DMD: variants seen among roughly 807,000 people sequenced by gnomAD.
The protein encoded by DMD is dystrophin, also known as mutant dystrophin.
A neutral mutation model predicts 330.1 loss-of-function variants in DMD; 63 were observed. The ratio of observed to expected loss-of-function variants is 0.19; its 90% CI spans 0.16 to 0.24. The LOEUF (loss-of-function observed/expected upper bound fraction) is 0.24, where lower values mean the gene tolerates loss of function less well. Among genes scored for constraint, DMD ranks in the 10% least tolerant of loss-of-function variants. The pLI is 1.00. For synonymous variants in DMD, 1,223 were observed against 959.8 expected (o/e 1.27, Z -5.07); for missense variants, 3,344 against 2,684.1 (o/e 1.25, Z -5.43).
chrX:32,697,001 A>G (rs73456967), intron 9 of DMD, among the ~76,000 whole-genome samples: 4,569 of 111,733 alleles, frequency 0.041, 253 homozygotes, highest in African/African-American at 0.14. Flanking sequence ...AAAAATGTAC[A>G]CATTTTTTAG....
chrX:32,559,730 T>G (rs2050774119), intron 16 of DMD, among the ~76,000 whole-genome samples: 1 of 111,953 alleles, frequency 8.9e-6, no homozygotes, highest in Non-Finnish European at 1.9e-5. Flanking sequence ...TCTATTTGCA[T>G]TTTGGGTATA....
intron 47 of DMD, among the ~76,000 whole-genome samples, chrX:31,923,264 T>TC (rs2094718769): frequency 9.0e-6 from 1 of 111,147 alleles, no homozygotes; most frequent in African/African-American, 3.3e-5. Flanking sequence ...ACTACTCCCT[T>TC]CCCCCAACCC....
chrX:31,315,269 A>C (rs979149654), intron 62 of DMD, among the ~76,000 whole-genome samples: 12 of 112,442 alleles, frequency 1.1e-4, no homozygotes, highest in African/African-American at 3.6e-4. Flanking sequence ...GTTTTCCTAA[A>C]AACCTGAACA....
At chrX:32,941,594 C>A (rs1222043943) in intron 2 of DMD, among the ~76,000 whole-genome samples, 1 of 110,951 alleles carries the variant, frequency 9.0e-6, no homozygotes. Flanking sequence ...TAAGTGGGAG[C>A]TATATATTGG....
chrX:32,853,769 G>GAAGAAAA (rs1557087979), intron 2 of DMD, among the ~76,000 whole-genome samples: 7 of 56,092 alleles, frequency 1.2e-4, no homozygotes, highest in African/African-American at 5.3e-4. Flanking sequence ...CACAGTGACA[G>GAAGAAAA]AAAAAAAAAA....
intron 17 of DMD, among the ~76,000 whole-genome samples, chrX:32,518,424 ATT>A (rs2046077656): frequency 9.1e-6 from 1 of 109,496 alleles, no homozygotes; most frequent in Admixed American, 9.9e-5. Flanking sequence ...TGTTTCCACT[ATT>A]TGAAAAAGTA....
intron 7 of DMD, among the ~76,000 whole-genome samples, chrX:32,771,058 C>T (rs1224485685): frequency 9.0e-6 from 1 of 111,705 alleles, no homozygotes; most frequent in Non-Finnish European, 1.9e-5. Flanking sequence ...GGCAGGACCT[C>T]TCTGGCACTT....
At chrX:31,651,751 A>C (rs1249557683) in intron 54 of DMD, among the ~76,000 whole-genome samples, 1 of 111,035 alleles carries the variant, frequency 9.0e-6, no homozygotes, top group Non-Finnish European at 1.9e-5. Flanking sequence ...TCTGTACCCA[A>C]AATATAGTAG....
chrX:32,442,250 C>T (rs1219533435), intron 27 of DMD, among the ~76,000 whole-genome samples: 1 of 110,385 alleles, frequency 9.1e-6, no homozygotes, highest in Admixed American at 9.7e-5. Context: ...GAAAAACAGA[C>T]TCAAAATAGA....
At chrX:31,267,131 G>T (rs2051244428) in intron 62 of DMD, among the ~76,000 whole-genome samples, 1 of 110,535 alleles carries the variant, frequency 9.0e-6, no homozygotes, top group Non-Finnish European at 1.9e-5. Context: ...AAGAAAGAAA[G>T]AAAGAGGATG....
chrX:32,762,306 C>T (rs2072428042), intron 7 of DMD, among the ~76,000 whole-genome samples: 1 of 111,024 alleles, frequency 9.0e-6, no homozygotes, highest in Non-Finnish European at 1.9e-5. Context: ...AGATGGCATA[C>T]TTCTGTACTA....
chrX:33,234,993 A>G (rs2052451149), intron 1 of DMD, among the ~76,000 whole-genome samples: 1 of 111,515 alleles, frequency 9.0e-6, no homozygotes. Flanking sequence ...CACACCAAAC[A>G]TGGAACAGGC....
intron 21 of DMD, among the ~76,000 whole-genome samples, chrX:32,476,966 C>T (rs1290333118): frequency 9.0e-6 from 1 of 111,356 alleles, no homozygotes; most frequent in Non-Finnish European, 1.9e-5. Flanking sequence ...TAATAACCTA[C>T]CATCTTAAAA....
chrX:32,515,538 A>C (rs1464515410), intron 18 of DMD, among the ~76,000 whole-genome samples: 1 of 111,473 alleles, frequency 9.0e-6, no homozygotes, highest in Non-Finnish European at 1.9e-5. Context: ...TTGTGATCAA[A>C]GGAGGCTATT....
chrX:32,841,624 T>G (rs1417431765), intron 4 of DMD, among the ~76,000 whole-genome samples: 1 of 112,096 alleles, frequency 8.9e-6, no homozygotes, highest in Non-Finnish European at 1.9e-5. Context: ...ATAAATGGTG[T>G]GTTAATTAGA....
intron 50 of DMD, among the ~76,000 whole-genome samples, chrX:31,802,757 T>C (rs192181918): frequency 2.6e-3 from 286 of 111,723 alleles, no homozygotes; most frequent in Middle Eastern, 4.7e-3. Context: ...GAGTAGGCAG[T>C]TAAATATGCA....
chrX:32,423,251 C>G (rs1482801293), intron 29 of DMD, among the ~76,000 whole-genome samples: 1 of 102,560 alleles, frequency 9.8e-6, no homozygotes, highest in Non-Finnish European at 2.0e-5. Flanking sequence ...TTGGTAGGCC[C>G]TTGTAGAAAA....
At chrX:33,031,689 T>C (rs984117454) in intron 1 of DMD, among the ~76,000 whole-genome samples, 1 of 110,923 alleles carries the variant, frequency 9.0e-6, no homozygotes, top group Admixed American at 9.7e-5. Flanking sequence ...GAGAATCACT[T>C]GAACCTGGGA....
intron 2 of DMD, among the ~76,000 whole-genome samples, chrX:33,011,319 C>G (rs1004298340): frequency 9.0e-6 from 1 of 111,559 alleles, no homozygotes; most frequent in Non-Finnish European, 1.9e-5. Flanking sequence ...CTCACAACCT[C>G]TCTTCTTCAC....
Sources: allele counts gnomAD v4.1 joint callset (sites outside exome capture counted in the v4.1 genomes callset), GRCh38; gene constraint gnomAD v4.1.1; transcripts MANE v1.5; gene names NCBI Gene and HGNC (gene_info 2026-07-23, HGNC 2026-07-21).